The following TENT2 variants were observed in gnomAD, a reference collection of about 807,000 sequenced individuals.
TENT2 encodes poly(A) RNA polymerase GLD2.
In TENT2, 44 loss-of-function variants were observed where a neutral mutation model predicts 72.2. The ratio of observed to expected loss-of-function variants is 0.61; its 90% CI spans 0.48 to 0.78. The LOEUF (loss-of-function observed/expected upper bound fraction) is 0.78, where lower values mean the gene tolerates loss of function less well. Among genes scored for constraint, TENT2 ranks in the 30% least tolerant of loss-of-function variants. The pLI is 0.00. For missense variants in TENT2, 541 were observed against 569.6 expected (o/e 0.95, Z 0.51); for synonymous variants, 212 against 192.5 (o/e 1.10, Z -0.84).
rs1028482328 is a variant in TENT2 at position 79,685,395 on chromosome 5, T to G, written c.*122T>G. The G allele has an allele frequency of 9.8e-6, 6 of 610,118 alleles. No homozygotes were observed. The highest frequency in any genetic ancestry group is 1.3e-5 in the Non-Finnish European group (5 of 375,726). 37.8% of individuals were successfully genotyped at this position (610,118 alleles called of 1,614,324 possible). The stretch of plus-strand genomic sequence containing the variant: ...TAGTTCTTGTTTTCATGTTTTATTT[T>G]TAAAAAGACATATAAAGATTGCATA... On this transcript the variant is annotated 3_prime_UTR_variant, in exon 15 of 15. Coordinates refer to ENST00000453514, the MANE Select transcript of TENT2 (RefSeq NM_001114394.3).
chr5:79,619,948 A>G, intron 2 of TENT2, 46 bp from the exon 3 acceptor site: 2 of 1,489,418 alleles, frequency 1.3e-6, no homozygotes, highest in Non-Finnish European at 1.8e-6. Context: ...TTGTTTTTAA[A>G]GAAAAAATAT....
At position 79,619,750 on chromosome 5, in the gene TENT2, G is replaced by A. The variant is rs1763236250; in HGVS notation, c.102G>A (p.Gln34=). ...CACCTACTGTTTATTCACACCAGCA[G>A]CTTATAGATGCACAATTCAACTTTC... is the stretch of plus-strand genomic sequence containing the variant. ...TLSPTVYSHQ[Q]LIDAQFNFQN... Residue 34 remains glutamine, a synonymous_variant, in exon 2 of 15, where the codon CAG becomes CAA. Coordinates refer to ENST00000453514, the MANE Select transcript of TENT2 (RefSeq NM_001114394.3). 1.9e-6 allele frequency: 3 copies of A among 1,613,654 alleles called. No homozygotes were observed. Among genetic ancestry groups the A allele is most frequent in the Non-Finnish European group, 1.7e-6 (2 of 1,179,758 alleles).
chr5:79,658,407 T>C (rs1422138992), intron 11 of TENT2, among the ~76,000 whole-genome samples: 1 of 151,762 alleles, frequency 6.6e-6, no homozygotes, highest in Non-Finnish European at 1.5e-5. Flanking sequence ...CCCAGTTTGG[T>C]CTCAAATGCC....
chr5:79,629,872 G>A (rs1042613181), intron 4 of TENT2, among the ~76,000 whole-genome samples: 3 of 151,438 alleles, frequency 2.0e-5, no homozygotes, highest in Admixed American at 6.6e-5. Flanking sequence ...AGTGGCTCAC[G>A]CCTGTAATCC....
At chr5:79,641,243 G>A in intron 6 of TENT2, 47 bp downstream of exon 6, 2 of 1,453,012 alleles carry the variant, frequency 1.4e-6, no homozygotes, top group Non-Finnish European at 1.8e-6. Flanking sequence ...ATGTTAATGA[G>A]TTAAGAAATT....
At chr5:79,647,483 CTAT>C (rs1225978771) in intron 8 of TENT2, among the ~76,000 whole-genome samples, 3 of 152,088 alleles carry the variant, frequency 2.0e-5, no homozygotes, top group African/African-American at 7.2e-5. Context: ...AAGAATAACT[CTAT>C]TATTACTGTA....
At chr5:79,683,780 T>G (rs1482619106) in intron 14 of TENT2, among the ~76,000 whole-genome samples, 1 of 147,734 alleles carries the variant, frequency 6.8e-6, no homozygotes, top group Non-Finnish European at 1.5e-5. Flanking sequence ...ATTAGCCGGG[T>G]GTAGTGGCGG....
At chr5:79,618,067 A>G (rs1221336148) in intron 1 of TENT2, among the ~76,000 whole-genome samples, 1 of 152,008 alleles carries the variant, frequency 6.6e-6, no homozygotes, top group African/African-American at 2.4e-5. Context: ...ACAATGTTAG[A>G]TCACATAGTT....
At chr5:79,627,839 G>A (rs1246661994) in intron 4 of TENT2, among the ~76,000 whole-genome samples, 1 of 152,174 alleles carries the variant, frequency 6.6e-6, no homozygotes, top group Non-Finnish European at 1.5e-5. Flanking sequence ...GGAGAAAGAA[G>A]GCAAGCAGTC....
chr5:79,683,780 T>C (rs1482619106), intron 14 of TENT2, among the ~76,000 whole-genome samples: 6 of 147,734 alleles, frequency 4.1e-5, no homozygotes, highest in Non-Finnish European at 1.5e-5. Context: ...ATTAGCCGGG[T>C]GTAGTGGCGG....
At chr5:79,649,240 ATTAT>A in intron 10 of TENT2, 50 bp downstream of exon 10, 1 of 1,548,486 alleles carries the variant, frequency 6.5e-7, no homozygotes, top group Non-Finnish European at 8.9e-7. Flanking sequence ...AGACAGCTTT[ATTAT>A]GGTGTCTTCT....
rs1427002037 is a variant in TENT2, at chr5:79,681,975, A to G, written c.1301-7A>G. 2.5e-6 allele frequency: 4 copies of G among 1,607,156 alleles called. No individual in the cohort carries two copies. Among genetic ancestry groups the G allele is most frequent in the Admixed American group, 1.7e-5 (1 of 58,720 alleles). On this transcript the variant is annotated splice_polypyrimidine_tract_variant and splice_region_variant and intron_variant, in intron 13 of 14. Transcript: ENST00000453514. ...TTTTTCCTTTACATTTGCATTTAAC[A>G]TTGCAGAACCTTTTGATGGAACAAA...
intron 10 of TENT2, 40 bp from the exon 11 acceptor site, chr5:79,656,918 C>T: frequency 2.7e-6 from 4 of 1,499,486 alleles, no homozygotes; most frequent in Non-Finnish European, 3.7e-6. Context: ...TAAAATGAGT[C>T]ACGTGAATCA....
chr5:79,677,356 C>T (rs1479142881), intron 12 of TENT2, among the ~76,000 whole-genome samples: 1 of 152,086 alleles, frequency 6.6e-6, no homozygotes, highest in African/African-American at 2.4e-5. Flanking sequence ...TAACATATAT[C>T]TCATACTGTT....
chr5:79,669,057 C>CA (rs1360929841), intron 12 of TENT2, 29 bp downstream of exon 12: 6 of 1,605,216 alleles, frequency 3.7e-6, no homozygotes, highest in Middle Eastern at 1.7e-4. Flanking sequence ...TGTGTTTGTT[C>CA]ACTTATATGT....
intron 12 of TENT2, among the ~76,000 whole-genome samples, chr5:79,671,294 A>G (rs1287759122): frequency 6.6e-6 from 1 of 152,216 alleles, no homozygotes; most frequent in Non-Finnish European, 1.5e-5. Context: ...CCAAGAATGT[A>G]GTCATGGTAA....
Position 79,672,610 on chromosome 5 carries a change from C to G in TENT2, c.1208+3582C>G, listed in dbSNP as rs561107284. ...TTATTTCACTTAATGTCCTCCAATT[C>G]CATCCATGATGTTGCAAATGAGAGG... On this transcript the variant is annotated intron_variant, in intron 12 of 14. Transcript: ENST00000453514. Among the ~76,000 whole-genome samples, 159 of 152,280 alleles carry G rather than the reference C, an allele frequency of 1.0e-3. 1 individual carries two copies. The highest frequency in any genetic ancestry group is 3.8e-3 in the African/African-American group (156 of 41,550).
At chr5:79,681,875 T>C (rs1252574854) in intron 13 of TENT2, 107 bp from the exon 14 acceptor site, 4 of 894,494 alleles carry the variant, frequency 4.5e-6, no homozygotes, top group Admixed American at 2.9e-5. Context: ...AAATTGCAAT[T>C]TTTGTAGGTT....
At chr5:79,628,911 A>G (rs1021440223) in intron 4 of TENT2, among the ~76,000 whole-genome samples, 1 of 152,238 alleles carries the variant, frequency 6.6e-6, no homozygotes, top group Non-Finnish European at 1.5e-5. Flanking sequence ...TGGCACGGCT[A>G]GATGCTGCTG....
Sources: gnomAD v4.1 joint callset for allele counts (sites outside exome capture counted in the v4.1 genomes callset) on GRCh38, gnomAD v4.1.1 for gene constraint, MANE v1.5 for transcripts, NCBI Gene and HGNC (gene_info 2026-07-23, HGNC 2026-07-21) for gene names.